HEMK2: variants seen among roughly 807,000 people sequenced by gnomAD.
HEMK2 encodes the protein methyltransferase HEMK2.
the HEMK2 span, among the ~76,000 whole-genome samples, chr21:28,806,348 T>C: frequency 6.6e-6 from 1 of 152,210 alleles, no homozygotes; most frequent in East Asian, 1.9e-4. Context: ...ATATGTAACA[T>C]GACTGTAACT....
At chr21:28,619,547 A>G in the HEMK2 span, among the ~76,000 whole-genome samples, 1 of 152,208 alleles carries the variant, frequency 6.6e-6, no homozygotes, top group African/African-American at 2.4e-5. Context: ...AAGATACTAA[A>G]ATAAACTGGT....
the HEMK2 span, among the ~76,000 whole-genome samples, chr21:28,592,525 C>A: frequency 6.6e-6 from 1 of 152,124 alleles, no homozygotes; most frequent in East Asian, 1.9e-4. Context: ...GAAATCATGT[C>A]AGTTTATAAA....
At chr21:28,877,272 GGAA>G in the HEMK2 span, among the ~76,000 whole-genome samples, 16 of 102,992 alleles carry the variant, frequency 1.6e-4, no homozygotes, top group South Asian at 3.8e-4. Context: ...AAGGAAGGAA[GGAA>G]GGAAGGAAGG....
chr21:28,870,196 T>C, the HEMK2 span, among the ~76,000 whole-genome samples: 1 of 146,328 alleles, frequency 6.8e-6, no homozygotes, highest in Non-Finnish European at 1.5e-5. Flanking sequence ...AGACACAGGT[T>C]AAAAAACAAA....
At chr21:28,785,607 G>C in the HEMK2 span, among the ~76,000 whole-genome samples, 1,377 of 152,296 alleles carry the variant, frequency 9.0e-3, 18 homozygotes, top group African/African-American at 0.031. Context: ...GATTGAAAAG[G>C]TGCGCATTTC....
chr21:28,622,957 C>T, the HEMK2 span, among the ~76,000 whole-genome samples: 561 of 152,172 alleles, frequency 3.7e-3, 4 homozygotes, highest in African/African-American at 0.013. Context: ...TAAAAAGCAA[C>T]GGCAACAAAA....
the HEMK2 span, among the ~76,000 whole-genome samples, chr21:28,668,434 A>C: frequency 6.6e-6 from 1 of 152,214 alleles, no homozygotes; most frequent in South Asian, 2.1e-4. Flanking sequence ...CATCGCTCAA[A>C]GGCTGATGCA....
the HEMK2 span, among the ~76,000 whole-genome samples, chr21:28,856,088 T>C: frequency 8.3e-6 from 1 of 120,754 alleles, no homozygotes; most frequent in African/African-American, 2.6e-5. Flanking sequence ...GATATATTAT[T>C]TTATTTGTTG....
chr21:28,697,384 A>T, the HEMK2 span, among the ~76,000 whole-genome samples: 1 of 152,120 alleles, frequency 6.6e-6, no homozygotes, highest in East Asian at 1.9e-4. Flanking sequence ...CCAGTTCCCA[A>T]CAGGTTCCTC....
chr21:28,780,933 C>T, the HEMK2 span, among the ~76,000 whole-genome samples: 7 of 152,138 alleles, frequency 4.6e-5, no homozygotes, highest in African/African-American at 1.7e-4. Flanking sequence ...CACCATAGCT[C>T]CCAGATAGGC....
At chr21:28,763,042 G>A in the HEMK2 span, among the ~76,000 whole-genome samples, 1 of 152,110 alleles carries the variant, frequency 6.6e-6, no homozygotes, top group African/African-American at 2.4e-5. Context: ...TATTGCCTCA[G>A]GTTAGATCAT....
chr21:28,715,864 G>A, the HEMK2 span, among the ~76,000 whole-genome samples: 2 of 152,136 alleles, frequency 1.3e-5, no homozygotes, highest in African/African-American at 4.8e-5. Flanking sequence ...CATATGGCTA[G>A]CTAGTTATCC....
At chr21:28,847,877 G>C in the HEMK2 span, among the ~76,000 whole-genome samples, 2 of 152,122 alleles carry the variant, frequency 1.3e-5, no homozygotes, top group Non-Finnish European at 2.9e-5. Flanking sequence ...AGAAGAGAGA[G>C]AGTCTTTCCC....
the HEMK2 span, among the ~76,000 whole-genome samples, chr21:28,725,254 G>T: frequency 6.6e-6 from 1 of 152,132 alleles, no homozygotes; most frequent in South Asian, 2.1e-4. Context: ...TCTATTCCAT[G>T]TAAGTAAGTG....
At chr21:28,766,389 C>T in the HEMK2 span, among the ~76,000 whole-genome samples, 187 of 151,940 alleles carry the variant, frequency 1.2e-3, 1 homozygote, top group Admixed American at 2.0e-3. Context: ...AAAGGGAACA[C>T]TTTTATACTG....
the HEMK2 span, among the ~76,000 whole-genome samples, chr21:28,849,359 CAAA>C: frequency 2.0e-5 from 3 of 151,178 alleles, no homozygotes; most frequent in Admixed American, 1.3e-4. Flanking sequence ...ACAACAACAA[CAAA>C]AAAAAACCCA....
At chr21:28,810,225 A>G in the HEMK2 span, among the ~76,000 whole-genome samples, 1 of 152,174 alleles carries the variant, frequency 6.6e-6, no homozygotes, top group Non-Finnish European at 1.5e-5. Flanking sequence ...CCATTCAAGA[A>G]GCAGTCATTT....
the HEMK2 span, among the ~76,000 whole-genome samples, chr21:28,800,790 A>C: frequency 1.3e-5 from 2 of 152,196 alleles, no homozygotes; most frequent in Non-Finnish European, 2.9e-5. Flanking sequence ...GAAAAGGCCA[A>C]TTTTCATTGA....
At chr21:28,806,944 T>C in the HEMK2 span, among the ~76,000 whole-genome samples, 1 of 152,210 alleles carries the variant, frequency 6.6e-6, no homozygotes, top group Admixed American at 6.5e-5. Context: ...TTTGTGGCAC[T>C]TCTTTATGGC....
Sources: allele counts gnomAD v4.1 joint callset (sites outside exome capture counted in the v4.1 genomes callset), GRCh38; gene constraint gnomAD v4.1.1; transcripts MANE v1.5; gene names NCBI Gene and HGNC (gene_info 2026-07-23, HGNC 2026-07-21).